MAST4: variants seen among roughly 807,000 people sequenced by gnomAD.
MAST4 encodes the protein microtubule associated serine/threonine kinase family member 4.
MAST4 carries 89 observed loss-of-function variants against 162.7 expected under a neutral mutation model. That is an observed-to-expected ratio of 0.55 (90% CI 0.46 to 0.65). MAST4 has a LOEUF of 0.65. MAST4 is among the 30% of genes least tolerant of loss of function. The pLI, the probability that MAST4 is intolerant of heterozygous loss-of-function variation, is 0.00. For missense variants in MAST4, 3,153 were observed against 3,374.0 expected, an observed-to-expected ratio of 0.93 and a Z score of 1.62; for synonymous variants, 1,479 against 1,361.1, an observed-to-expected ratio of 1.09 and a Z score of -1.91.
intron 5 of MAST4, among the ~76,000 whole-genome samples, chr5:67,080,344 A>C (rs1232983578): frequency 6.6e-6 from 1 of 152,104 alleles, no homozygotes; most frequent in Non-Finnish European, 1.5e-5. Context: ...TAAGAGAATA[A>C]TCACAACTTT....
At chr5:67,077,511 T>C (rs1761803903) in intron 5 of MAST4, among the ~76,000 whole-genome samples, 2 of 152,152 alleles carry the variant, frequency 1.3e-5, no homozygotes, top group African/African-American at 2.4e-5. Context: ...CTAAAGAGTA[T>C]TGCCAGCTGG....
intron 21 of MAST4, among the ~76,000 whole-genome samples, chr5:67,144,457 TACACACACAC>T (rs57996757): frequency 2.5e-4 from 37 of 149,496 alleles, no homozygotes; most frequent in East Asian, 1.6e-3. Context: ...CGTATATATG[TACACACACAC>T]ACACACACAC....
At chr5:66,990,212 C>T (rs1403907302) in intron 4 of MAST4, among the ~76,000 whole-genome samples, 2 of 152,130 alleles carry the variant, frequency 1.3e-5, no homozygotes, top group African/African-American at 4.8e-5. Flanking sequence ...TTAAAAAATA[C>T]TAACTATCCT....
chr5:66,959,147 C>T (rs1745682243), intron 4 of MAST4: 1 of 763,508 alleles, frequency 1.3e-6, no homozygotes, highest in Non-Finnish European at 2.4e-6. Flanking sequence ...AGTGTTAGTC[C>T]AGTCCTTTAG....
rs769731830 is a variant in MAST4, at chr5:67,166,218, A to AAACAGACAGAC, written c.7052_7062dup (p.Asp2355ThrfsTer50). ...TGTGAAAGATTGCCCCACCCTGTGC[A>AAACAGACAGAC]AACAGACAGACAACAGACAGACAGA... On this transcript the variant is annotated frameshift_variant, in exon 29 of 29. Coordinates refer to ENST00000403625, the MANE Select transcript of MAST4 (RefSeq NM_001164664.2). LOFTEE classifies it low-confidence loss of function (END_TRUNC). The AAACAGACAGAC allele has an allele frequency of 6.4e-7, 1 of 1,552,690 alleles. No homozygotes were observed. Among genetic ancestry groups the AAACAGACAGAC allele is most frequent in the Non-Finnish European group, 8.7e-7 (1 of 1,147,412 alleles).
chr5:66,857,902 G>C (rs1218688531), intron 3 of MAST4, among the ~76,000 whole-genome samples: 1 of 151,674 alleles, frequency 6.6e-6, no homozygotes, highest in African/African-American at 2.4e-5. Flanking sequence ...ACCTATTTAA[G>C]AAATATTTTC....
intron 1 of MAST4, among the ~76,000 whole-genome samples, chr5:66,600,411 G>T (rs560242307): frequency 3.3e-5 from 5 of 152,346 alleles, no homozygotes; most frequent in African/African-American, 1.2e-4. Flanking sequence ...ATTCTGCCTT[G>T]TCCTTTTCCA....
chr5:66,896,478 CAA>C (rs983780794), intron 3 of MAST4, among the ~76,000 whole-genome samples: 4 of 152,150 alleles, frequency 2.6e-5, no homozygotes, highest in Non-Finnish European at 5.9e-5. Flanking sequence ...AGCCCACTCT[CAA>C]AGAGAGGAGA....
intron 3 of MAST4, among the ~76,000 whole-genome samples, chr5:66,831,115 G>A (rs1757568804): frequency 6.6e-6 from 1 of 152,128 alleles, no homozygotes; most frequent in African/African-American, 2.4e-5. Context: ...CTAGCATCTA[G>A]GAGGAACCCA....
chr5:66,647,140 G>C (rs1192704240), intron 1 of MAST4, among the ~76,000 whole-genome samples: 1 of 152,138 alleles, frequency 6.6e-6, no homozygotes, highest in African/African-American at 2.4e-5. Context: ...CAAGTCAACT[G>C]CCTCTTCGTA....
At chr5:66,778,815 TC>T (rs1754719886) in intron 2 of MAST4, among the ~76,000 whole-genome samples, 1 of 152,214 alleles carries the variant, frequency 6.6e-6, no homozygotes, top group Admixed American at 6.5e-5. Flanking sequence ...GAGTTTCTGC[TC>T]CATAGCCTCA....
intron 4 of MAST4, among the ~76,000 whole-genome samples, chr5:66,931,636 A>G (rs1265034584): frequency 6.6e-6 from 1 of 152,186 alleles, no homozygotes; most frequent in Non-Finnish European, 1.5e-5. Flanking sequence ...ATTCCATGGC[A>G]ATCTAGAAAG....
At chr5:66,806,376 A>G (rs1238728139) in intron 3 of MAST4, among the ~76,000 whole-genome samples, 1 of 152,206 alleles carries the variant, frequency 6.6e-6, no homozygotes, top group African/African-American at 2.4e-5. Flanking sequence ...AACAGTTTTC[A>G]CTAAAGTCGG....
chr5:67,163,507 G>C lies in MAST4; in HGVS notation c.4328G>C (p.Arg1443Pro), dbSNP rs1773472334. ...CCCCCCAGGTCCCCGCTGCTCAAGC[G>C]CGTGCAGTCCGAGGAGAAGCTGTCG... ...AEPPRSPLLK[R>P]VQSEEKLSPS... The change falls in exon 29 of 29, where the codon CGC becomes CCC. Residue 1443 changes from arginine to proline, a missense_variant. Arg to Pro is a moderately radical substitution (Grantham distance 103). This residue lies in a region of MAST4 where 619 missense variants were observed against 744.2 expected (regional missense o/e 0.83). Transcript: ENST00000403625. This position sits in a 1 kb window ranked among gnomAD's most constrained non-coding sequence, Gnocchi z 7.0. 1.2e-6 allele frequency: 2 copies of C among 1,611,616 alleles called. No homozygotes were observed. The highest frequency in any genetic ancestry group is 8.5e-7 in the Non-Finnish European group (1 of 1,179,070).
intron 4 of MAST4, among the ~76,000 whole-genome samples, chr5:66,948,836 T>C (rs1162121903): frequency 1.3e-5 from 2 of 152,164 alleles, no homozygotes; most frequent in African/African-American, 2.4e-5. Flanking sequence ...CAAGTATTTA[T>C]TGAGTGCCCA....
intron 4 of MAST4, among the ~76,000 whole-genome samples, chr5:67,011,946 T>G (rs1052599373): frequency 6.6e-6 from 1 of 152,026 alleles, no homozygotes; most frequent in Non-Finnish European, 1.5e-5. Context: ...AAATAAAACA[T>G]AAGAATTATG....
intron 1 of MAST4, chr5:66,622,875 T>C (rs1382260562): frequency 6.6e-6 from 1 of 152,250 alleles, no homozygotes; most frequent in Admixed American, 6.5e-5. Context: ...GATGTCAAGC[T>C]AACCAAGGTT....
chr5:67,093,517 T>C (rs923861526), intron 6 of MAST4: 9 of 363,438 alleles, frequency 2.5e-5, no homozygotes, highest in Middle Eastern at 3.6e-4. Flanking sequence ...TTTGAGTAAA[T>C]AGACACAGAC....
chr5:67,110,071 A>T (rs778490852), intron 10 of MAST4, 27 bp from the exon 11 acceptor site: 3 of 1,525,364 alleles, frequency 2.0e-6, no homozygotes, highest in South Asian at 2.2e-5. Context: ...ACTCTGCATC[A>T]TCACTCTCTT....
Sources: allele counts gnomAD v4.1 joint callset (sites outside exome capture counted in the v4.1 genomes callset), GRCh38; gene constraint gnomAD v4.1.1; regional missense constraint gnomAD v4.1.1; non-coding constraint Gnocchi (gnomAD v3.1); transcripts MANE v1.5; gene names NCBI Gene and HGNC (gene_info 2026-07-23, HGNC 2026-07-21).